The following ENTPD7 variants were observed in gnomAD, a reference collection of about 807,000 sequenced individuals.
ENTPD7 encodes ectonucleoside triphosphate diphosphohydrolase 7.
ENTPD7 carries 53 observed loss-of-function variants against 77.9 expected under a neutral mutation model. That is an observed-to-expected ratio of 0.68 (90% CI 0.55 to 0.85). The LOEUF is 0.85. Ranked by LOEUF, ENTPD7 falls within the 40% of genes least tolerant of loss-of-function variation. The pLI is 0.00. For synonymous variants in ENTPD7, 248 were observed against 274.9 expected (o/e 0.90, Z 0.97); for missense variants, 636 against 743.7 (o/e 0.86, Z 1.68).
At chr10:99,676,397 T>G (rs560356457) in intron 3 of ENTPD7, among the ~76,000 whole-genome samples, 39 of 152,216 alleles carry the variant, frequency 2.6e-4, no homozygotes, top group African/African-American at 8.9e-4. Flanking sequence ...GCCCCCAAAT[T>G]TGAGAACCAG....
In ENTPD7 at chr10:99,709,774, G is replaced by A; in HGVS notation, c.*5091G>A. ...CCTTATATCCTAATAGACTTCTCTT[G>A]TGTTATTACACATTTCTCTTTTGCT... On this transcript the variant is annotated 3_prime_UTR_variant, in exon 13 of 13. Coordinates refer to ENST00000370489, the MANE Select transcript of ENTPD7 (RefSeq NM_020354.5). The A allele has an allele frequency of 7.1e-6, 7 of 985,226 alleles. No homozygotes were observed. The highest frequency in any genetic ancestry group is 8.4e-6 in the Non-Finnish European group (7 of 829,842). The allele number at this position is 985,226 out of a possible 1,614,324, so 61.0% of individuals were successfully genotyped here. A position where few individuals can be genotyped will look rare whatever the true frequency, so the allele number is the denominator to read the frequency against.
rs190343500 is a variant in ENTPD7 at position 99,681,558 on chromosome 10, A to G, written c.548+1683A>G. 4.7e-3 allele frequency among the ~76,000 whole-genome samples: 723 copies of G among 152,242 alleles called. 7 individuals are homozygous for G. The highest frequency in any genetic ancestry group is 0.017 in the African/African-American group (698 of 41,534). On this transcript the variant is annotated intron_variant, in intron 5 of 12. Coordinates refer to ENST00000370489, the MANE Select transcript of ENTPD7 (RefSeq NM_020354.5). ...TTGGCCTCCCAAAGTGCTGAATTAC[A>G]GGCGTGAGCCACCGTACCCGGCCTA...
intron 6 of ENTPD7, among the ~76,000 whole-genome samples, chr10:99,688,106 GC>G (rs2035836548): frequency 6.6e-6 from 1 of 152,106 alleles, no homozygotes. Context: ...TGAACTTTTG[GC>G]ATTCCTTTTT....
In ENTPD7 at chr10:99,710,496, GT is replaced by G; in HGVS notation, c.*5815del. ...TGCCTGTATTACATTGCTTTGGGGA[GT>G]TGTTAAGACTCTGTTTTTTCTACTG... is the stretch of plus-strand genomic sequence containing the variant. On this transcript the variant is annotated 3_prime_UTR_variant, in exon 13 of 13. Coordinates refer to ENST00000370489, the MANE Select transcript of ENTPD7 (RefSeq NM_020354.5). 1.0e-6 allele frequency: 1 copy of G among 985,304 alleles called. No individual in the cohort carries two copies. The allele number at this position is 985,304 out of a possible 1,614,324, so 61.0% of individuals were successfully genotyped here. A position where few individuals can be genotyped will look rare whatever the true frequency, so the allele number is the denominator to read the frequency against.
intron 3 of ENTPD7, among the ~76,000 whole-genome samples, chr10:99,669,618 T>A (rs902345442): frequency 6.6e-6 from 1 of 152,112 alleles, no homozygotes; most frequent in African/African-American, 2.4e-5. Flanking sequence ...ACACTTTTTT[T>A]AGAGCCATTT....
In ENTPD7 at chr10:99,704,719, G is replaced by A. The variant is rs977903453; in HGVS notation, c.*36G>A. ...GGACTAGAGAAGCTTGAGCACCCCC[G>A]AGTTGCTGCTCATTGAATTCCTCCA... is the stretch of plus-strand genomic sequence containing the variant. On this transcript the variant is annotated 3_prime_UTR_variant, in exon 13 of 13. Transcript: ENST00000370489. 14 of 1,566,696 alleles carry A rather than the reference G, an allele frequency of 8.9e-6. No individual in the cohort carries two copies. In the Middle Eastern group the frequency reaches 5.3e-4, roughly 59 times the overall value.
At chr10:99,664,507 T>C (rs2133438478) in intron 3 of ENTPD7, among the ~76,000 whole-genome samples, 1 of 150,838 alleles carries the variant, frequency 6.6e-6, no homozygotes, top group Admixed American at 6.6e-5. Context: ...TGGAGTGCAG[T>C]GGCGCTGTCT....
intron 8 of ENTPD7, among the ~76,000 whole-genome samples, chr10:99,694,739 G>T (rs1316619130): frequency 6.6e-6 from 1 of 152,058 alleles, no homozygotes; most frequent in African/African-American, 2.4e-5. Context: ...GTTTCACCAT[G>T]TTGGCCAGGC....
intron 5 of ENTPD7, among the ~76,000 whole-genome samples, chr10:99,682,776 C>T (rs1448903946): frequency 6.6e-6 from 1 of 152,042 alleles, no homozygotes; most frequent in Non-Finnish European, 1.5e-5. Flanking sequence ...ATATAGATGA[C>T]ACAAGAGCAG....
intron 5 of ENTPD7, among the ~76,000 whole-genome samples, chr10:99,682,572 G>A (rs1323216612): frequency 6.6e-6 from 1 of 152,098 alleles, no homozygotes; most frequent in Non-Finnish European, 1.5e-5. Context: ...TCTTAAAAAT[G>A]AACAAAACAA....
intron 3 of ENTPD7, among the ~76,000 whole-genome samples, chr10:99,669,451 A>AT (rs564277266): frequency 2.0e-5 from 3 of 151,818 alleles, no homozygotes; most frequent in Non-Finnish European, 2.9e-5. Context: ...AAAGACTTAC[A>AT]TTTTTTTTCT....
intron 3 of ENTPD7, among the ~76,000 whole-genome samples, chr10:99,662,553 T>C (rs2035499963): frequency 6.6e-6 from 1 of 152,216 alleles, no homozygotes; most frequent in Admixed American, 6.5e-5. Flanking sequence ...TGTTAGTCAA[T>C]TGTCTTTTGA....
chr10:99,660,913 C>T (rs2035476503), intron 2 of ENTPD7, among the ~76,000 whole-genome samples: 1 of 126,510 alleles, frequency 7.9e-6, no homozygotes, highest in African/African-American at 3.0e-5. Flanking sequence ...CAGAGCAAGA[C>T]TCCATCTCAA....
At chr10:99,663,005 A>G (rs1339601502) in intron 3 of ENTPD7, among the ~76,000 whole-genome samples, 1 of 152,236 alleles carries the variant, frequency 6.6e-6, no homozygotes, top group Non-Finnish European at 1.5e-5. Context: ...TGGCAGATTA[A>G]CATCCAAGAT....
chr10:99,704,614 C>T lies in ENTPD7; in HGVS notation c.1746C>T (p.Ala582=), dbSNP rs2036213796. The change falls in exon 13 of 13, where the codon GCC becomes GCT. Residue 582 remains alanine (A), a synonymous_variant. Transcript: ENST00000370489. ...LRRIHHRQTR[A]SAPLDLLWLE... ...GAATTCACCACCGACAAACACGAGC[C>T]TCAGCTCCATTGGACTTGCTGTGGC... 1 of 1,614,066 alleles carries T rather than the reference C, an allele frequency of 6.2e-7. No individual in the cohort carries two copies. Among genetic ancestry groups the T allele is most frequent in the Non-Finnish European group, 8.5e-7 (1 of 1,180,038 alleles).
rs890742612 is a variant in ENTPD7, at chr10:99,705,110, T to G, written c.*427T>G. ...TCTAGCAAGTGCAGCAGCCCCTTCT[T>G]TCTCTGTAACAGAGATATCATTTAT... On this transcript the variant is annotated 3_prime_UTR_variant, in exon 13 of 13. Coordinates refer to ENST00000370489, the MANE Select transcript of ENTPD7 (RefSeq NM_020354.5). 1.1e-5 allele frequency: 2 copies of G among 188,472 alleles called. No homozygotes were observed. The highest frequency in any genetic ancestry group is 4.6e-5 in the African/African-American group (2 of 43,040). 11.7% of individuals were successfully genotyped at this position (188,472 alleles called of 1,614,324 possible). A position where few individuals can be genotyped will look rare whatever the true frequency, so the allele number is the denominator to read the frequency against.
At chr10:99,681,005 C>T (rs910605894) in intron 5 of ENTPD7, among the ~76,000 whole-genome samples, 1 of 152,128 alleles carries the variant, frequency 6.6e-6, no homozygotes, top group Non-Finnish European at 1.5e-5. Flanking sequence ...AGCATATTGT[C>T]GTTAGTGTTC....
At chr10:99,669,770 G>C (rs1425972079) in intron 3 of ENTPD7, among the ~76,000 whole-genome samples, 1 of 38,272 alleles carries the variant, frequency 2.6e-5, no homozygotes, top group Non-Finnish European at 5.4e-5. Context: ...TTTTTTTTGA[G>C]ACAGAGTCTT....
chr10:99,687,609 G>A (rs1163184562), intron 6 of ENTPD7, among the ~76,000 whole-genome samples: 2 of 152,216 alleles, frequency 1.3e-5, no homozygotes, highest in African/African-American at 2.4e-5. Flanking sequence ...ATTTGGATTT[G>A]TCCTGTGTAT....
Sources: allele counts gnomAD v4.1 joint callset (sites outside exome capture counted in the v4.1 genomes callset), GRCh38; gene constraint gnomAD v4.1.1; transcripts MANE v1.5; gene names NCBI Gene and HGNC (gene_info 2026-07-23, HGNC 2026-07-21).